Variants in SV2C observed in about 807,000 individuals in gnomAD.
The protein encoded by SV2C is synaptic vesicle glycoprotein 2C.
SV2C carries 49 observed loss-of-function variants against 79.7 expected under a neutral mutation model. That is an observed-to-expected ratio of 0.61 (90% CI 0.49 to 0.78). The LOEUF is 0.78. SV2C is among the 30% of genes least tolerant of loss of function. The probability of loss-of-function intolerance (pLI) is 0.00; values close to 1 mark genes in which losing one functional copy is unlikely to be tolerated. For missense variants in SV2C, 833 were observed against 912.9 expected (o/e 0.91, Z 1.13); for synonymous variants, 334 against 333.2 (o/e 1.00, Z -0.03).
At chr5:76,241,199 T>C (rs1002291522) in intron 4 of SV2C, among the ~76,000 whole-genome samples, 8 of 142,412 alleles carry the variant, frequency 5.6e-5, no homozygotes, top group East Asian at 4.1e-4. Flanking sequence ...TTTTTTTTTT[T>C]CCCAAGCCAA....
chr5:76,225,239 GCTT>G (rs1352670557), intron 4 of SV2C, among the ~76,000 whole-genome samples: 3 of 152,194 alleles, frequency 2.0e-5, no homozygotes, highest in Non-Finnish European at 4.4e-5. Flanking sequence ...GATGGAAGGG[GCTT>G]CTTCTTTGGG....
the SV2C span, among the ~76,000 whole-genome samples, chr5:76,070,766 GTGATGATC>G: frequency 1.2e-4 from 19 of 152,222 alleles, no homozygotes; most frequent in African/African-American, 4.6e-4. Context: ...ATTCTGAGAA[GTGATGATC>G]TGGAATATCT....
the SV2C span, among the ~76,000 whole-genome samples, chr5:75,951,391 G>A: frequency 6.6e-6 from 1 of 151,962 alleles, no homozygotes; most frequent in African/African-American, 2.4e-5. Flanking sequence ...TGGTCATTCT[G>A]CTTTTGCCTG....
intron 2 of SV2C, among the ~76,000 whole-genome samples, chr5:76,148,439 T>C (rs1749502712): frequency 6.6e-6 from 1 of 152,224 alleles, no homozygotes; most frequent in Admixed American, 6.5e-5. Context: ...TTTCATCCTC[T>C]GGGCTTCCTT....
chr5:76,049,024 A>AAAGAAAGAAAG, the SV2C span, among the ~76,000 whole-genome samples: 12 of 120,610 alleles, frequency 9.9e-5, no homozygotes, highest in Admixed American at 2.6e-4. Flanking sequence ...AGAAAGAAAG[A>AAAGAAAGAAAG]AAAAGAAAAG....
chr5:76,100,411 A>G (rs2731735), intron 1 of SV2C, among the ~76,000 whole-genome samples: 80,675 of 152,116 alleles, frequency 0.53, 22,009 homozygotes, highest in East Asian at 0.73. Context: ...CTAGAGATAA[A>G]AAGTCACACT....
intron 1 of SV2C, among the ~76,000 whole-genome samples, chr5:76,107,412 G>A (rs1243956681): frequency 6.6e-6 from 1 of 152,146 alleles, no homozygotes; most frequent in East Asian, 1.9e-4. Context: ...ATACTGACTA[G>A]CTCGTGAGTT....
chr5:76,288,650 A>G (rs1207564871), intron 6 of SV2C, among the ~76,000 whole-genome samples: 1 of 152,134 alleles, frequency 6.6e-6, no homozygotes, highest in Non-Finnish European at 1.5e-5. Context: ...TTCTTCCAAA[A>G]GGGTTGAGTT....
the SV2C span, among the ~76,000 whole-genome samples, chr5:75,915,257 G>T: frequency 0.016 from 2,509 of 152,244 alleles, 63 homozygotes; most frequent in African/African-American, 0.056. Flanking sequence ...GTGTGCCCAT[G>T]CTCTTAACCC....
chr5:75,883,392 G>A, the SV2C span, among the ~76,000 whole-genome samples: 15 of 144,968 alleles, frequency 1.0e-4, no homozygotes, highest in Admixed American at 7.4e-4. Context: ...ACATGCACAC[G>A]TATGTTTATT....
chr5:76,071,777 A>G, the SV2C span, among the ~76,000 whole-genome samples: 1 of 152,254 alleles, frequency 6.6e-6, no homozygotes, highest in African/African-American at 2.4e-5. Context: ...GTGTTAGAAC[A>G]CTAATTTGGA....
the SV2C span, among the ~76,000 whole-genome samples, chr5:75,983,877 C>T: frequency 7.2e-5 from 11 of 152,122 alleles, no homozygotes; most frequent in Admixed American, 2.0e-4. Context: ...TGCTCTCCTT[C>T]TTGCAATGGT....
At chr5:76,353,352 C>T (rs1442017597) in exon 13 of SV2C, 4 of 223,414 alleles carry the variant, frequency 1.8e-5, no homozygotes, top group African/African-American at 4.7e-5. Flanking sequence ...TTTTCTCTCT[C>T]TTTTGCCTTG....
intron 12 of SV2C, among the ~76,000 whole-genome samples, chr5:76,349,811 T>C (rs1749614919): frequency 1.3e-5 from 2 of 152,030 alleles, no homozygotes; most frequent in South Asian, 4.1e-4. Context: ...CTTGGGATTA[T>C]AGGCAGGAGC....
At chr5:76,216,113 G>A (rs951843012) in intron 4 of SV2C, among the ~76,000 whole-genome samples, 5 of 152,168 alleles carry the variant, frequency 3.3e-5, no homozygotes, top group African/African-American at 1.2e-4. Flanking sequence ...ATGGGCTGTG[G>A]CCAGGAGTTT....
At chr5:76,157,624 C>T (rs1394267763) in intron 2 of SV2C, among the ~76,000 whole-genome samples, 4 of 119,490 alleles carry the variant, frequency 3.3e-5, no homozygotes, top group African/African-American at 8.9e-5. Context: ...AGAAATGTAG[C>T]ATATTTGCTA....
chr5:76,010,962 C>T, the SV2C span, among the ~76,000 whole-genome samples: 1 of 152,122 alleles, frequency 6.6e-6, no homozygotes, highest in African/African-American at 2.4e-5. Flanking sequence ...AGTAGAGAAA[C>T]CCATTGCTAG....
chr5:76,276,440 A>T (rs933616658), intron 4 of SV2C, among the ~76,000 whole-genome samples: 1 of 152,064 alleles, frequency 6.6e-6, no homozygotes, highest in Non-Finnish European at 1.5e-5. Context: ...GGCTCAAGTG[A>T]TCCTCCCACC....
chr5:76,110,569 A>T (rs544074399), intron 1 of SV2C, among the ~76,000 whole-genome samples: 1 of 152,242 alleles, frequency 6.6e-6, no homozygotes, highest in Non-Finnish European at 1.5e-5. Flanking sequence ...GAGAAGTCTC[A>T]TGAGTCACTG....
Sources: allele counts gnomAD v4.1 joint callset (sites outside exome capture counted in the v4.1 genomes callset), GRCh38; gene constraint gnomAD v4.1.1; transcripts MANE v1.5; gene names NCBI Gene and HGNC (gene_info 2026-07-23, HGNC 2026-07-21).